Variants in RAB3C observed in about 807,000 individuals in gnomAD.
RAB3C encodes the protein RAB3C, member RAS oncogene family, also known as ras-related protein Rab-3C.
Under a neutral mutation model 26.4 loss-of-function variants are expected in RAB3C, and 17 were observed. The observed-to-expected ratio is 0.64, with a 90% confidence interval of 0.44 to 0.97. The LOEUF is 0.97. Among genes scored for constraint, RAB3C ranks in the 50% least tolerant of loss-of-function variants. The pLI is 0.00. For synonymous variants in RAB3C, 91 were observed against 95.9 expected (o/e 0.95, Z 0.30); for missense variants, 242 against 281.9 (o/e 0.86, Z 1.01).
rs114246463 is a variant in RAB3C at position 58,764,873 on chromosome 5, A to G, written c.371+38753A>G. ...CATCAATGATCTTTATTCTCATAATACCACCTCCTGTTATCTATTATGATC... is the reference window on the plus strand; with the variant it reads ...CATCAATGATCTTTATTCTCATAATGCCACCTCCTGTTATCTATTATGATC... On this transcript the variant is annotated intron_variant, in intron 3 of 4. Coordinates refer to ENST00000282878, the MANE Select transcript of RAB3C (RefSeq NM_138453.4). 9.6e-3 allele frequency among the ~76,000 whole-genome samples: 1,469 copies of G among 152,288 alleles called. 23 individuals carry two copies. Among genetic ancestry groups the G allele is most frequent in the African/African-American group, 0.033 (1,356 of 41,552 alleles).
rs143524462 is a variant in RAB3C at position 58,699,459 on chromosome 5, C to T, written c.253-26543C>T. Among the ~76,000 whole-genome samples, 337 of 152,332 alleles carry T rather than the reference C, an allele frequency of 2.2e-3. 3 individuals carry two copies. The highest frequency in any genetic ancestry group is 0.01 in the Middle Eastern group (3 of 294). On this transcript the variant is annotated intron_variant, in intron 2 of 4. Coordinates refer to ENST00000282878, the MANE Select transcript of RAB3C (RefSeq NM_138453.4). Reference sequence around the variant, plus strand: ...GAGGAAGCAGTCTGTCTATTCTTAACGCTCAAACGCCATGCTGGGAGAGCC... The same window carrying T: ...GAGGAAGCAGTCTGTCTATTCTTAATGCTCAAACGCCATGCTGGGAGAGCC...
chr5:58,775,744 T>C (rs1235761131), intron 3 of RAB3C, among the ~76,000 whole-genome samples: 1 of 152,122 alleles, frequency 6.6e-6, no homozygotes, highest in African/African-American at 2.4e-5. Flanking sequence ...CTGTGAGTCA[T>C]ATAAAACTGC....
At chr5:58,692,250 T>G (rs1748585322) in intron 2 of RAB3C, among the ~76,000 whole-genome samples, 2 of 152,228 alleles carry the variant, frequency 1.3e-5, no homozygotes, top group Admixed American at 1.3e-4. Context: ...GAATATTCAC[T>G]GTTTGTTCAA....
chr5:58,844,999 G>T (rs1410949548), intron 4 of RAB3C, among the ~76,000 whole-genome samples: 2 of 152,180 alleles, frequency 1.3e-5, no homozygotes, highest in African/African-American at 4.8e-5. Flanking sequence ...TAAGATTGTT[G>T]TAATGCACTG....
rs1741982907 is a variant in RAB3C, at chr5:58,769,514, T to C, written c.371+43394T>C. ...GGAACGTTACATCTGCTTGAAAAAA[T>C]AAAGAGAATCCTGACAACCATATCT... On this transcript the variant is annotated intron_variant, in intron 3 of 4. Coordinates refer to ENST00000282878, the MANE Select transcript of RAB3C (RefSeq NM_138453.4). Among the ~76,000 whole-genome samples, 4 of 152,154 alleles carry C rather than the reference T, an allele frequency of 2.6e-5. No homozygotes were observed. The South Asian group carries it at 8.3e-4, about 32-fold the overall frequency.
chr5:58,777,349 T>A (rs1473535244), intron 3 of RAB3C, among the ~76,000 whole-genome samples: 1 of 152,150 alleles, frequency 6.6e-6, no homozygotes. Context: ...CCAAGCTCTG[T>A]GTGTATGCCA....
chr5:58,613,405 C>A (rs1017537890), intron 1 of RAB3C, among the ~76,000 whole-genome samples: 2 of 152,006 alleles, frequency 1.3e-5, no homozygotes, highest in Non-Finnish European at 2.9e-5. Flanking sequence ...AAAGTGATTA[C>A]CATTTTGATG....
chr5:58,659,657 C>T (rs1459765519), intron 2 of RAB3C, among the ~76,000 whole-genome samples: 3 of 152,254 alleles, frequency 2.0e-5, no homozygotes, highest in South Asian at 2.1e-4. Flanking sequence ...TCATTTCCCC[C>T]ACTGATTTTC....
chr5:58,628,543 G>A (rs1280156514), intron 2 of RAB3C, among the ~76,000 whole-genome samples: 1 of 152,126 alleles, frequency 6.6e-6, no homozygotes, highest in Non-Finnish European at 1.5e-5. Context: ...CATGGAAGGG[G>A]CCACAGATGC....
At chr5:58,760,033 T>C (rs1364544849) in intron 3 of RAB3C, among the ~76,000 whole-genome samples, 2 of 152,192 alleles carry the variant, frequency 1.3e-5, no homozygotes, top group Non-Finnish European at 2.9e-5. Flanking sequence ...CTCTCCTGTC[T>C]CCCTGACCTA....
At chr5:58,670,189 A>G (rs1053669352) in intron 2 of RAB3C, among the ~76,000 whole-genome samples, 4 of 152,114 alleles carry the variant, frequency 2.6e-5, no homozygotes, top group African/African-American at 9.7e-5. Flanking sequence ...AACAATTGAC[A>G]TACGATCTTA....
intron 3 of RAB3C, among the ~76,000 whole-genome samples, chr5:58,816,203 G>A (rs1260817618): frequency 6.6e-6 from 1 of 152,150 alleles, no homozygotes; most frequent in Non-Finnish European, 1.5e-5. Flanking sequence ...TTGCGCATAA[G>A]TAGTTTATGT....
intron 2 of RAB3C, among the ~76,000 whole-genome samples, chr5:58,646,740 T>TG (rs1747528745): frequency 6.6e-6 from 1 of 152,156 alleles, no homozygotes; most frequent in Non-Finnish European, 1.5e-5. Context: ...TCACCACTTG[T>TG]GGGGGCAGGG....
chr5:58,727,334 A>T (rs536597806), intron 3 of RAB3C, among the ~76,000 whole-genome samples: 3 of 152,124 alleles, frequency 2.0e-5, no homozygotes, highest in African/African-American at 7.2e-5. Flanking sequence ...TAGCAATTCA[A>T]AAGAGAAATA....
chr5:58,643,952 C>T (rs1253145384), intron 2 of RAB3C, among the ~76,000 whole-genome samples: 1 of 152,054 alleles, frequency 6.6e-6, no homozygotes, highest in Non-Finnish European at 1.5e-5. Context: ...CCCCGAGGAG[C>T]TGGGATTACA....
At chr5:58,835,482 C>G (rs1287014808) in intron 4 of RAB3C, among the ~76,000 whole-genome samples, 1 of 152,162 alleles carries the variant, frequency 6.6e-6, no homozygotes, top group Non-Finnish European at 1.5e-5. Flanking sequence ...AAAGCTTATC[C>G]TCTAACAAAC....
intron 2 of RAB3C, among the ~76,000 whole-genome samples, chr5:58,698,564 T>A (rs557061658): frequency 6.6e-6 from 1 of 152,358 alleles, no homozygotes; most frequent in Non-Finnish European, 1.5e-5. Context: ...AGGTCCACAA[T>A]CAAACGTAGA....
chr5:58,682,298 A>G (rs982899823), intron 2 of RAB3C, among the ~76,000 whole-genome samples: 9 of 152,206 alleles, frequency 5.9e-5, no homozygotes, highest in African/African-American at 1.9e-4. Flanking sequence ...TATTCATTTT[A>G]TCGTCAAATA....
chr5:58,823,010 G>T, intron 3 of RAB3C: 1 of 613,254 alleles, frequency 1.6e-6, no homozygotes, highest in South Asian at 1.4e-5. Flanking sequence ...GGGAGCTGTT[G>T]ATAAAGGCTG....
Sources: allele counts gnomAD v4.1 joint callset (sites outside exome capture counted in the v4.1 genomes callset), GRCh38; gene constraint gnomAD v4.1.1; transcripts MANE v1.5; gene names NCBI Gene and HGNC (gene_info 2026-07-23, HGNC 2026-07-21).